The following NTF3 variants were observed in gnomAD, a reference collection of about 807,000 sequenced individuals.
The protein encoded by NTF3 is neurotrophin 3.
NTF3 carries 8 observed loss-of-function variants against 26.3 expected under a neutral mutation model. The ratio of observed to expected loss-of-function variants is 0.30; its 90% CI spans 0.18 to 0.55. NTF3 has a LOEUF of 0.55. Among genes scored for constraint, NTF3 ranks in the 20% least tolerant of loss-of-function variants. NTF3 has a pLI of 0.93. For missense variants in NTF3, 276 were observed against 352.9 expected, an observed-to-expected ratio of 0.78 and a Z score of 1.75; for synonymous variants, 154 against 145.5, an observed-to-expected ratio of 1.06 and a Z score of -0.42.
At chr12:5,443,376 G>A (rs1940263605) in intron 1 of NTF3, among the ~76,000 whole-genome samples, 1 of 152,186 alleles carries the variant, frequency 6.6e-6, no homozygotes, top group Non-Finnish European at 1.5e-5. Flanking sequence ...ATGCAGGAAG[G>A]ATACCTGGAT....
intron 1 of NTF3, among the ~76,000 whole-genome samples, chr12:5,436,981 C>T (rs2121136645): frequency 6.6e-6 from 1 of 152,270 alleles, no homozygotes; most frequent in Non-Finnish European, 1.5e-5. Context: ...ATAATAATTG[C>T]CCTTGACATA....
At chr12:5,465,353 G>GT (rs1187830343) in intron 1 of NTF3, among the ~76,000 whole-genome samples, 1 of 152,226 alleles carries the variant, frequency 6.6e-6, no homozygotes, top group Non-Finnish European at 1.5e-5. Flanking sequence ...TGAGAATGAG[G>GT]TTTTTTATAT....
chr12:5,458,661 G>A (rs1268181624), intron 1 of NTF3, among the ~76,000 whole-genome samples: 1 of 152,200 alleles, frequency 6.6e-6, no homozygotes, highest in African/African-American at 2.4e-5. Context: ...TCCCAGAACA[G>A]GTGACTAACC....
intron 1 of NTF3, among the ~76,000 whole-genome samples, chr12:5,442,010 A>G (rs938796091): frequency 8.5e-5 from 13 of 152,206 alleles, no homozygotes; most frequent in African/African-American, 3.1e-4. Context: ...AAGCAACTCA[A>G]AACACACGTG....
chr12:5,453,551 C>A (rs750715075), intron 1 of NTF3, among the ~76,000 whole-genome samples: 2 of 152,200 alleles, frequency 1.3e-5, no homozygotes, highest in Non-Finnish European at 2.9e-5. Flanking sequence ...TTTATCTGTG[C>A]GCTGCATTGT....
chr12:5,438,038 T>C (rs1162899777), intron 1 of NTF3, among the ~76,000 whole-genome samples: 2 of 152,150 alleles, frequency 1.3e-5, no homozygotes, highest in Admixed American at 6.5e-5. Context: ...GAGAAAAAAG[T>C]TGGGGACACC....
intron 1 of NTF3, among the ~76,000 whole-genome samples, chr12:5,470,151 C>T (rs1205273715): frequency 6.6e-6 from 1 of 152,160 alleles, no homozygotes; most frequent in Non-Finnish European, 1.5e-5. Context: ...GTCTTGATCT[C>T]CTGACCTCGT....
intron 1 of NTF3, among the ~76,000 whole-genome samples, chr12:5,458,365 C>T (rs575006843): frequency 6.6e-6 from 1 of 152,216 alleles, no homozygotes; most frequent in Non-Finnish European, 1.5e-5. Flanking sequence ...ACTCCCATTG[C>T]ATGCTGCAGC....
At chr12:5,477,354 C>T (rs1940737711) in intron 1 of NTF3, among the ~76,000 whole-genome samples, 1 of 152,180 alleles carries the variant, frequency 6.6e-6, no homozygotes, top group Admixed American at 6.5e-5. Context: ...CCCAAAAAGC[C>T]CTGAAAACCC....
intron 1 of NTF3, among the ~76,000 whole-genome samples, chr12:5,446,271 T>G (rs1940304014): frequency 6.6e-6 from 1 of 152,214 alleles, no homozygotes; most frequent in African/African-American, 2.4e-5. Context: ...GGGCACAGTT[T>G]GCATAATGCA....
chr12:5,487,249 G>A (rs3890792), intron 1 of NTF3, among the ~76,000 whole-genome samples: 19,157 of 152,138 alleles, frequency 0.13, 1,303 homozygotes, highest in South Asian at 0.17. Flanking sequence ...AGCGGCTGGC[G>A]CACACTGTTT....
Position 5,433,631 on chromosome 12 carries a change from G to A in NTF3, c.18+1289G>A, listed in dbSNP as rs920882968. Among the ~76,000 whole-genome samples the A allele has an allele frequency of 6.6e-6, 1 of 152,110 alleles. No homozygotes were observed. The highest frequency in any genetic ancestry group is 1.5e-5 in the Non-Finnish European group (1 of 68,030). Reference sequence around the variant, plus strand: ...TTGCGTCCGACGGTGTCGGGGCTGTGGACTAGAAAGGATCCCTTTTGCTGG... The same window carrying A: ...TTGCGTCCGACGGTGTCGGGGCTGTAGACTAGAAAGGATCCCTTTTGCTGG... On this transcript the variant is annotated intron_variant, in intron 1 of 1. Transcript: ENST00000423158. This position sits in a 1 kb window ranked among gnomAD's most constrained non-coding sequence, Gnocchi z 4.6.
At chr12:5,435,449 G>T (rs1282747006) in intron 1 of NTF3, among the ~76,000 whole-genome samples, 2 of 152,204 alleles carry the variant, frequency 1.3e-5, no homozygotes, top group Non-Finnish European at 2.9e-5. Context: ...GATGTTTATG[G>T]ATCTTGGGGG....
intron 1 of NTF3, among the ~76,000 whole-genome samples, chr12:5,488,166 C>T (rs1471548215): frequency 6.6e-6 from 1 of 152,274 alleles, no homozygotes. Context: ...TCACCCCCTC[C>T]CTTCATCCCT....
chr12:5,436,644 T>C (rs543419540), intron 1 of NTF3, among the ~76,000 whole-genome samples: 27 of 152,348 alleles, frequency 1.8e-4, no homozygotes, highest in African/African-American at 5.5e-4. Flanking sequence ...CTAGCACGTA[T>C]GTAGGTCATT....
At chr12:5,480,851 G>T (rs1163742268) in intron 1 of NTF3, among the ~76,000 whole-genome samples, 1 of 152,070 alleles carries the variant, frequency 6.6e-6, no homozygotes, top group Admixed American at 6.5e-5. Flanking sequence ...AACTCAAGGA[G>T]GTTTCTAAAC....
chr12:5,456,994 ACAGAGCAGACACGGT>A lies in NTF3; in HGVS notation c.18+24654_18+24668del, dbSNP rs1940460739. 1.3e-5 allele frequency among the ~76,000 whole-genome samples: 2 copies of A among 152,278 alleles called. No individual in the cohort carries two copies. The highest frequency in any genetic ancestry group is 4.1e-4 in the South Asian group (2 of 4,822). On this transcript the variant is annotated intron_variant, in intron 1 of 1. Transcript: ENST00000423158. This position sits in a 1 kb window ranked among gnomAD's most constrained non-coding sequence, Gnocchi z 4.4. ...TGCCCGTCCCCAGGTCCACAGGCTC[ACAGAGCAGACACGGT>A]CTGTGCCTGGGTTTGCTCACCCACA...
intron 1 of NTF3, among the ~76,000 whole-genome samples, chr12:5,449,987 C>T (rs959234054): frequency 6.6e-6 from 1 of 152,130 alleles, no homozygotes; most frequent in Non-Finnish European, 1.5e-5. Flanking sequence ...GTTTTTTCTG[C>T]CTTCCCCTGG....
At position 5,456,251 on chromosome 12, in the gene NTF3, A is replaced by G. The variant is rs1328959184; in HGVS notation, c.18+23909A>G. Among the ~76,000 whole-genome samples, 1 of 152,204 alleles carries G rather than the reference A, an allele frequency of 6.6e-6. No homozygotes were observed. The highest frequency in any genetic ancestry group is 1.5e-5 in the Non-Finnish European group (1 of 68,022). On this transcript the variant is annotated intron_variant, in intron 1 of 1. Coordinates refer to ENST00000423158, the MANE Select transcript of NTF3 (RefSeq NM_001102654.2). This position sits in a 1 kb window ranked among gnomAD's most constrained non-coding sequence, Gnocchi z 4.4. ...CCATGGCAACCAGAAACACCTTGAC[A>G]CATTTCCAAATGCCCTTTAGTAGGG...
Sources: allele counts gnomAD v4.1 joint callset (sites outside exome capture counted in the v4.1 genomes callset), GRCh38; gene constraint gnomAD v4.1.1; non-coding constraint Gnocchi (gnomAD v3.1); transcripts MANE v1.5; gene names NCBI Gene and HGNC (gene_info 2026-07-23, HGNC 2026-07-21).